CYB5R4: variants seen among roughly 807,000 people sequenced by gnomAD.
The protein encoded by CYB5R4 is cytochrome b5 reductase 4.
A neutral mutation model predicts 70.2 loss-of-function variants in CYB5R4; 55 were observed. The ratio of observed to expected loss-of-function variants is 0.78; its 90% CI spans 0.63 to 0.98. The LOEUF is 0.98. Ranked by LOEUF, CYB5R4 falls within the 50% of genes least tolerant of loss-of-function variation. The probability of loss-of-function intolerance (pLI) is 0.00; values close to 1 mark genes in which losing one functional copy is unlikely to be tolerated. For missense variants in CYB5R4, 562 were observed against 612.6 expected, an observed-to-expected ratio of 0.92 and a Z score of 0.87; for synonymous variants, 197 against 199.5, an observed-to-expected ratio of 0.99 and a Z score of 0.11.
intron 10 of CYB5R4, among the ~76,000 whole-genome samples, chr6:83,934,380 A>G (rs1324003810): frequency 6.6e-6 from 1 of 152,174 alleles, no homozygotes; most frequent in East Asian, 1.9e-4. Context: ...TTTTCAAGTT[A>G]TAGAAGTATT....
In CYB5R4 at chr6:83,925,041, A is replaced by G. The variant is rs2099467059; in HGVS notation, c.814+449A>G. Among the ~76,000 whole-genome samples, 3 of 152,300 alleles carry G rather than the reference A, an allele frequency of 2.0e-5. No homozygotes were observed. The East Asian group carries it at 5.8e-4, about 29-fold the overall frequency. On this transcript the variant is annotated intron_variant, in intron 10 of 15. Coordinates refer to ENST00000369681, the MANE Select transcript of CYB5R4 (RefSeq NM_016230.4). The stretch of plus-strand genomic sequence containing the variant: ...TATTAGTCTCTTCTCACATGGCTAT[A>G]AAGAAATGCCTGAGACTGGATAATT...
intron 9 of CYB5R4, among the ~76,000 whole-genome samples, chr6:83,923,942 C>T (rs931321189): frequency 7.9e-5 from 12 of 151,138 alleles, no homozygotes; most frequent in East Asian, 2.0e-4. Context: ...TGGTGGTGGG[C>T]GCCTGTAGTC....
intron 3 of CYB5R4, among the ~76,000 whole-genome samples, chr6:83,906,843 T>A (rs1021620178): frequency 6.6e-6 from 1 of 152,228 alleles, no homozygotes; most frequent in Admixed American, 6.5e-5. Context: ...CCATAAAGAT[T>A]CCAGTATCAA....
At chr6:83,894,901 A>G (rs2099461620) in intron 3 of CYB5R4, among the ~76,000 whole-genome samples, 1 of 152,116 alleles carries the variant, frequency 6.6e-6, no homozygotes. Context: ...TTGAAGTGTC[A>G]AAGGTAGAAG....
intron 2 of CYB5R4, among the ~76,000 whole-genome samples, chr6:83,880,261 T>C (rs1001691490): frequency 6.6e-6 from 1 of 152,230 alleles, no homozygotes; most frequent in African/African-American, 2.4e-5. Flanking sequence ...ACAATCTACT[T>C]CTTAAGTTTA....
chr6:83,874,963 C>CTTA lies in CYB5R4; in HGVS notation c.229+10635_229+10636insTTA, dbSNP rs547325242. Among the ~76,000 whole-genome samples the CTTA allele has an allele frequency of 3.8e-3, 578 of 152,108 alleles. 2 individuals carry two copies. The highest frequency in any genetic ancestry group is 6.3e-3 in the Non-Finnish European group (431 of 68,000). The stretch of plus-strand genomic sequence containing the variant: ...TCAGCCTCCTGAGTAGCTGGGATAA[C>CTTA]AGGTGTGCACCACCAAGCCCAGCTA... On this transcript the variant is annotated intron_variant, in intron 2 of 15. Transcript: ENST00000369681.
intron 6 of CYB5R4, among the ~76,000 whole-genome samples, chr6:83,918,763 C>G (rs2099465895): frequency 6.6e-6 from 1 of 151,850 alleles, no homozygotes; most frequent in African/African-American, 2.4e-5. Flanking sequence ...TTTCTTTTAC[C>G]CCTTTTCTCT....
intron 2 of CYB5R4, among the ~76,000 whole-genome samples, chr6:83,868,277 A>G (rs974449768): frequency 6.6e-6 from 1 of 152,148 alleles, no homozygotes; most frequent in Non-Finnish European, 1.5e-5. Flanking sequence ...AGACACAATC[A>G]GTTTCTTCAG....
intron 2 of CYB5R4, 58 bp downstream of exon 2, chr6:83,864,386 G>A: frequency 6.8e-7 from 1 of 1,463,936 alleles, no homozygotes; most frequent in South Asian, 1.3e-5. Context: ...CAATTATGAT[G>A]TTACATAACC....
intron 3 of CYB5R4, among the ~76,000 whole-genome samples, chr6:83,908,332 T>C (rs1296121989): frequency 6.6e-6 from 1 of 152,176 alleles, no homozygotes; most frequent in Non-Finnish European, 1.5e-5. Context: ...TGCAGGTTTG[T>C]TATGTAGGTA....
chr6:83,859,927 C>G (rs138300872), intron 1 of CYB5R4, 70 bp downstream of exon 1: 307 of 1,402,802 alleles, frequency 2.2e-4, no homozygotes, highest in Non-Finnish European at 2.9e-4. Flanking sequence ...TCTCTTCTTC[C>G]GCCCCAACTC....
chr6:83,942,535 GC>G (rs1055596083), intron 14 of CYB5R4, among the ~76,000 whole-genome samples: 1 of 152,172 alleles, frequency 6.6e-6, no homozygotes, highest in African/African-American at 2.4e-5. Context: ...AACTTGGGTG[GC>G]CATTTGGGCA....
chr6:83,929,829 T>C (rs906862765), intron 10 of CYB5R4, among the ~76,000 whole-genome samples: 2 of 152,016 alleles, frequency 1.3e-5, no homozygotes, highest in African/African-American at 4.8e-5. Flanking sequence ...TGCCAACAAA[T>C]AACCCAGTCA....
chr6:83,905,106 G>A (rs147376352), intron 3 of CYB5R4, among the ~76,000 whole-genome samples: 303 of 152,116 alleles, frequency 2.0e-3, no homozygotes, highest in Non-Finnish European at 3.4e-3. Context: ...CCAGGCTGGA[G>A]TGCAGCGGTG....
At chr6:83,902,783 G>A (rs551781397) in intron 3 of CYB5R4, among the ~76,000 whole-genome samples, 2 of 151,956 alleles carry the variant, frequency 1.3e-5, no homozygotes, top group East Asian at 1.9e-4. Flanking sequence ...TTCTTTCTTT[G>A]TAGCTATGGT....
chr6:83,871,630 G>A (rs1397541561), intron 2 of CYB5R4, among the ~76,000 whole-genome samples: 1 of 151,982 alleles, frequency 6.6e-6, no homozygotes, highest in Admixed American at 6.6e-5. Flanking sequence ...TTCTTTGTGG[G>A]AAAGTTTTTC....
intron 2 of CYB5R4, among the ~76,000 whole-genome samples, chr6:83,864,636 C>G (rs2099456467): frequency 6.6e-6 from 1 of 152,094 alleles, no homozygotes; most frequent in South Asian, 2.1e-4. Flanking sequence ...TTGGTAAAAT[C>G]CAGTTTATAT....
chr6:83,902,536 G>GT (rs1352136152), intron 3 of CYB5R4, among the ~76,000 whole-genome samples: 1 of 151,252 alleles, frequency 6.6e-6, no homozygotes, highest in Non-Finnish European at 1.5e-5. Context: ...TTTTAGGATT[G>GT]TTTTTTCTAT....
chr6:83,909,375 A>G (rs1211073712), intron 4 of CYB5R4, among the ~76,000 whole-genome samples: 2 of 152,212 alleles, frequency 1.3e-5, no homozygotes, highest in East Asian at 3.9e-4. Flanking sequence ...TTTGAATAAT[A>G]TAGTCACATG....
Sources: gnomAD v4.1 joint callset for allele counts (sites outside exome capture counted in the v4.1 genomes callset) on GRCh38, gnomAD v4.1.1 for gene constraint, MANE v1.5 for transcripts, NCBI Gene and HGNC (gene_info 2026-07-23, HGNC 2026-07-21) for gene names.